HNRNPU: variants seen among roughly 807,000 people sequenced by gnomAD.
HNRNPU encodes the protein HNRNPU antisense RNA 1.
Under a neutral mutation model 94.7 loss-of-function variants are expected in HNRNPU, and 5 were observed. The observed-to-expected ratio is 0.05, with a 90% CI of 0.03 to 0.11. The LOEUF is 0.11. Among genes scored for constraint, HNRNPU ranks in the 10% least tolerant of loss-of-function variants. The probability of loss-of-function intolerance (pLI) is 1.00; values close to 1 mark genes in which losing one functional copy is unlikely to be tolerated. For missense variants in HNRNPU, 710 were observed against 1,049.2 expected, an observed-to-expected ratio of 0.68 and a Z score of 4.47; for synonymous variants, 434 against 381.6, an observed-to-expected ratio of 1.14 and a Z score of -1.60.
At position 244,852,439 on chromosome 1, in the gene HNRNPU, CTT is replaced by C. The variant is rs1680571795; in HGVS notation, c.*2009_*2010del. 1 of 152,106 alleles carries C rather than the reference CTT, an allele frequency of 6.6e-6. No homozygotes were observed. Among genetic ancestry groups the C allele is most frequent in the African/African-American group, 2.4e-5 (1 of 41,426 alleles). 9.4% of individuals were successfully genotyped at this position (152,106 alleles called of 1,614,324 possible). ...TTTAAACTAGAAGATATATCCAAAA[CTT>C]TTTAAAGGCACAAAGGACAACTTTA... On this transcript the variant is annotated 3_prime_UTR_variant, in exon 14 of 14. Transcript: ENST00000640218.
At chr1:244,860,269 C>A in intron 4 of HNRNPU, 66 bp downstream of exon 4, 1 of 1,450,956 alleles carries the variant, frequency 6.9e-7, no homozygotes, top group African/African-American at 1.4e-5. Context: ...CCACGGCAAT[C>A]CAGCCTAGGG....
In HNRNPU at chr1:244,860,320, T is replaced by A; in HGVS notation, c.1017+15A>T. ...TCTCCACAAACAAACAAACAAATCA[T>A]AAAATTGCATTTACCTTCATCTCAA... On this transcript the variant is annotated intron_variant, in intron 4 of 13. Transcript: ENST00000640218. 1 of 1,604,390 alleles carries A rather than the reference T, an allele frequency of 6.2e-7. No individual in the cohort carries two copies.
chr1:244,858,035 C>A lies in HNRNPU; in HGVS notation c.1470G>T (p.Gly490=). The A allele has an allele frequency of 6.2e-7, 1 of 1,610,102 alleles. No homozygotes were observed. The highest frequency in any genetic ancestry group is 1.1e-5 in the South Asian group (1 of 89,934). ...PLEDRVRGPK[G]PEEKKDCEVV... ...CTTCACAATCTTTCTTCTCTTCAGG[C>A]CCCTTTGGTCCTCTAACTCGATCCT... Residue 490 remains glycine, a synonymous_variant, in exon 7 of 14, where the codon GGG becomes GGT. Transcript: ENST00000640218.
chr1:244,862,414 A>G, intron 3 of HNRNPU, 47 bp downstream of exon 3: 1 of 1,298,126 alleles, frequency 7.7e-7, no homozygotes, highest in African/African-American at 1.5e-5. Flanking sequence ...AAAAAAAAAA[A>G]CCACCATCAC....
rs1680792972 is a variant in HNRNPU at position 244,860,285 on chromosome 1, AGT to A, written c.1017+48_1017+49del. 4 of 1,542,232 alleles carry A rather than the reference AGT, an allele frequency of 2.6e-6. No homozygotes were observed. In the South Asian group the frequency reaches 3.5e-5, roughly 14 times the overall value. On this transcript the variant is annotated intron_variant, in intron 4 of 13. Transcript: ENST00000640218. ...CACGGCAATCCAGCCTAGGGAACAG[AGT>A]GAGACTGTCTCCACAAACAAACAAA...
In HNRNPU at chr1:244,858,121, T is replaced by C; in HGVS notation, c.1384A>G (p.Lys462Glu). The C allele has an allele frequency of 6.2e-7, 1 of 1,614,214 alleles. No homozygotes were observed. Among genetic ancestry groups the C allele is most frequent in the East Asian group, 2.2e-5 (1 of 44,876 alleles). Residue 462 changes from lysine (K) to glutamate (E), a missense_variant, in exon 7 of 14, where the codon AAG becomes GAG. By Grantham distance (56) the Lys-to-Glu change is moderately conservative. Coordinates refer to ENST00000640218, the MANE Select transcript of HNRNPU (RefSeq NM_031844.3). Reference sequence around the variant, plus strand: ...GGTATTGGAAAATATGGCTTTTCCTTCTGACCAAAATTAAATTCAACTGCA... The same window carrying C: ...GGTATTGGAAAATATGGCTTTTCCTCCTGACCAAAATTAAATTCAACTGCA... ...NCAVEFNFGQ[K>E]EKPYFPIPEE...
intron 12 of HNRNPU, 29 bp from the exon 13 acceptor site, chr1:244,855,073 T>C: frequency 1.9e-6 from 3 of 1,574,446 alleles, no homozygotes; most frequent in Non-Finnish European, 2.6e-6. Context: ...CTCTAAGAGC[T>C]CTGAGCCCAA....
chr1:244,855,644 T>C (rs1680659210), intron 11 of HNRNPU, 36 bp from the exon 12 acceptor site: 4 of 1,595,500 alleles, frequency 2.5e-6, no homozygotes, highest in Non-Finnish European at 3.4e-6. Flanking sequence ...TCATTGTATA[T>C]TGTACCCTAC....
At position 244,862,492 on chromosome 1, in the gene HNRNPU, G is replaced by C. The variant is rs568342018; in HGVS notation, c.846C>G (p.His282Gln). Residue 282 changes from histidine to glutamine, a missense_variant, in exon 3 of 14, where the codon CAC becomes CAG. Around this residue, in one of 8 missense-constraint regions of HNRNPU, gnomAD observed 22 missense variants for 16.7 expected, o/e 1.32. Coordinates refer to ENST00000640218, the MANE Select transcript of HNRNPU (RefSeq NM_031844.3). ...PQPPVEEEDE[H>Q]FDDTVVCLDT... ...CAAGACAAACCACTGTGTCATCGAAGTGTTCATCTTCTTCTTCAACAGGTG... is the reference window on the plus strand; with the variant it reads ...CAAGACAAACCACTGTGTCATCGAACTGTTCATCTTCTTCTTCAACAGGTG... The C allele has an allele frequency of 3.1e-6, 5 of 1,613,200 alleles. No individual in the cohort carries two copies. The highest frequency in any genetic ancestry group is 4.2e-6 in the Non-Finnish European group (5 of 1,179,788).
At chr1:244,858,551 C>T in intron 6 of HNRNPU, 178 bp downstream of exon 6, 1 of 610,766 alleles carries the variant, frequency 1.6e-6, no homozygotes, top group Non-Finnish European at 2.9e-6. Flanking sequence ...TTAGTGAGTT[C>T]CTCAAAAATG....
In HNRNPU at chr1:244,862,721, T is replaced by C. The variant is rs749597192; in HGVS notation, c.701A>G (p.Lys234Arg). 6.2e-7 allele frequency: 1 copy of C among 1,613,900 alleles called. No individual in the cohort carries two copies. ...TTTATCTCCGCCTTTCTGTTCTGTT[T>C]TGCCGTCCCCTAAAACACACACGAG... ...RPGAPAAGDG[K>R]TEQKGGDKKR... Residue 234 changes from lysine (K) to arginine (R), a missense_variant, in exon 2 of 14, where the codon AAA (lysine) becomes AGA (arginine). This residue lies in a region of HNRNPU where 292 missense variants were observed against 293.4 expected (regional missense o/e 1.00). Coordinates refer to ENST00000640218, the MANE Select transcript of HNRNPU (RefSeq NM_031844.3).
In HNRNPU at chr1:244,851,691, T is replaced by A. The variant is rs1680553723; in HGVS notation, c.*2759A>T. On this transcript the variant is annotated 3_prime_UTR_variant, in exon 14 of 14. Coordinates refer to ENST00000640218, the MANE Select transcript of HNRNPU (RefSeq NM_031844.3). ...TTATGTATTTAAGAGTTTCCTCTTG[T>A]CATTTCAATGTCAAATTGATTTGAC... 6.6e-6 allele frequency: 1 copy of A among 152,214 alleles called. No homozygotes were observed. The highest frequency in any genetic ancestry group is 2.4e-5 in the African/African-American group (1 of 41,434). The allele number at this position is 152,214 out of a possible 1,614,324, so 9.4% of individuals were successfully genotyped here.
At position 244,864,404 on chromosome 1, in the gene HNRNPU, C is replaced by G. The variant is rs1257049271; in HGVS notation, c.-97G>C. The G allele has an allele frequency of 6.4e-7, 1 of 1,566,396 alleles. No homozygotes were observed. Among genetic ancestry groups the G allele is most frequent in the Non-Finnish European group, 8.6e-7 (1 of 1,160,950 alleles). ...TGCTGCGGCTGCTCCTCGGCCCGGGCGGCGGCTGCGGCTGCGGCTGGAGAT... is the reference window on the plus strand; with the variant it reads ...TGCTGCGGCTGCTCCTCGGCCCGGGGGGCGGCTGCGGCTGCGGCTGGAGAT... On this transcript the variant is annotated 5_prime_UTR_variant, in exon 1 of 14. Transcript: ENST00000640218.
chr1:244,854,293 A>C lies in HNRNPU; in HGVS notation c.*157T>G. On this transcript the variant is annotated 3_prime_UTR_variant, in exon 14 of 14. Coordinates refer to ENST00000640218, the MANE Select transcript of HNRNPU (RefSeq NM_031844.3). ...AAACTGCAATTAAAAATGTACAAAAAAGAAAAGAAAAAAAATCAACCCACA... is the reference window on the plus strand; with the variant it reads ...AAACTGCAATTAAAAATGTACAAAACAGAAAAGAAAAAAAATCAACCCACA... The C allele has an allele frequency of 1.6e-6, 1 of 642,746 alleles. No individual in the cohort carries two copies. The allele number at this position is 642,746 out of a possible 1,614,324, so 39.8% of individuals were successfully genotyped here. A position where few individuals can be genotyped will look rare whatever the true frequency, so the allele number is the denominator to read the frequency against.
At chr1:244,855,821 A>G in intron 11 of HNRNPU, 83 bp downstream of exon 11, 7 of 1,505,496 alleles carry the variant, frequency 4.6e-6, no homozygotes, top group Non-Finnish European at 6.3e-6. Context: ...TTAATGAGGA[A>G]GAAACTTCAG....
At chr1:244,862,990 C>A (rs1253068068) in intron 1 of HNRNPU, 4 of 508,072 alleles carry the variant, frequency 7.9e-6, no homozygotes, top group South Asian at 2.3e-5. Flanking sequence ...AGGCCCGAAG[C>A]CCACGTGTAT....
In HNRNPU at chr1:244,850,347, G is replaced by A. The variant is rs1680507452; in HGVS notation, c.*4103C>T. The stretch of plus-strand genomic sequence containing the variant: ...CTTATTTTACAAATATGTACCTGTG[G>A]TGCTAATACTAGGCAAAGAAAACAG... On this transcript the variant is annotated 3_prime_UTR_variant, in exon 14 of 14. Transcript: ENST00000640218. 1 of 152,072 alleles carries A rather than the reference G, an allele frequency of 6.6e-6. No homozygotes were observed. Among genetic ancestry groups the A allele is most frequent in the African/African-American group, 2.4e-5 (1 of 41,402 alleles). 9.4% of individuals were successfully genotyped at this position (152,072 alleles called of 1,614,324 possible).
chr1:244,851,642 T>A lies in HNRNPU; in HGVS notation c.*2808A>T, dbSNP rs1034525657. ...GTCTTTATTTTTAAGACAGTATCTA[T>A]CCTAGGCAAATGAGAGCTTGTTTTT... On this transcript the variant is annotated 3_prime_UTR_variant, in exon 14 of 14. Transcript: ENST00000640218. The A allele has an allele frequency of 1.3e-5, 2 of 152,226 alleles. No individual in the cohort carries two copies. Among genetic ancestry groups the A allele is most frequent in the Non-Finnish European group, 2.9e-5 (2 of 68,036 alleles). The allele number at this position is 152,226 out of a possible 1,614,324, so 9.4% of individuals were successfully genotyped here.
intron 3 of HNRNPU, 97 bp downstream of exon 3, chr1:244,862,364 A>T (rs1289911169): frequency 2.4e-6 from 2 of 822,088 alleles, no homozygotes; most frequent in East Asian, 4.9e-5. Flanking sequence ...AAACTAACCC[A>T]AGTTTTGCTG....
Sources: gnomAD v4.1 joint callset for allele counts on GRCh38, gnomAD v4.1.1 for gene constraint, gnomAD v4.1.1 regional missense constraint, MANE v1.5 for transcripts, NCBI Gene and HGNC (gene_info 2026-07-23, HGNC 2026-07-21) for gene names.